Variants in TES observed in about 807,000 individuals in gnomAD.
TES encodes the protein testin.
TES carries 41 observed loss-of-function variants against 48.2 expected under a neutral mutation model. The ratio of observed to expected loss-of-function variants is 0.85; its 90% confidence interval spans 0.66 to 1.10. The LOEUF is 1.10. Ranked by LOEUF, TES falls within the 50% of genes least tolerant of loss-of-function variation. The pLI is 0.00. For missense variants in TES, 463 were observed against 515.1 expected (o/e 0.90, Z 0.98); for synonymous variants, 162 against 174.9 (o/e 0.93, Z 0.58).
chr7:116,239,375 T>A (rs1161030894), intron 2 of TES: 1 of 152,218 alleles, frequency 6.6e-6, no homozygotes, highest in Non-Finnish European at 1.5e-5. Context: ...GGGACAGAAG[T>A]CATAGGGGCC....
intron 2 of TES, among the ~76,000 whole-genome samples, chr7:116,240,643 G>A (rs1395534583): frequency 6.6e-6 from 1 of 152,038 alleles, no homozygotes; most frequent in Non-Finnish European, 1.5e-5. Context: ...CTTTTTAAAA[G>A]AATCATGAAA....
intron 6 of TES, among the ~76,000 whole-genome samples, chr7:116,253,674 C>A (rs1244747302): frequency 6.6e-6 from 1 of 152,082 alleles, no homozygotes; most frequent in Non-Finnish European, 1.5e-5. Context: ...TTTGCTTACT[C>A]CTAATAGTTT....
chr7:116,247,287 T>TA (rs1298218661), intron 2 of TES, among the ~76,000 whole-genome samples: 1 of 152,006 alleles, frequency 6.6e-6, no homozygotes, highest in Non-Finnish European at 1.5e-5. Context: ...TGTCTCTCAC[T>TA]AAAAAAACAA....
chr7:116,248,829 T>C (rs1344517062), intron 2 of TES, among the ~76,000 whole-genome samples, 191 bp from the exon 3 acceptor site: 1 of 152,180 alleles, frequency 6.6e-6, no homozygotes, highest in Non-Finnish European at 1.5e-5. Context: ...AAAAGCCTTA[T>C]CAAGCAAAGT....
intron 2 of TES, among the ~76,000 whole-genome samples, chr7:116,247,480 A>G (rs528118579): frequency 6.6e-6 from 1 of 151,890 alleles, no homozygotes; most frequent in Non-Finnish European, 1.5e-5. Context: ...ACACTCAGAC[A>G]TGTCCCTTTA....
chr7:116,251,118 T>C (rs1053334872), intron 4 of TES, among the ~76,000 whole-genome samples: 1 of 152,176 alleles, frequency 6.6e-6, no homozygotes, highest in Non-Finnish European at 1.5e-5. Flanking sequence ...AGAGCACTAA[T>C]AAGCCCTGAG....
chr7:116,241,122 T>G (rs1163945835), intron 2 of TES, among the ~76,000 whole-genome samples: 3 of 152,238 alleles, frequency 2.0e-5, no homozygotes, highest in Non-Finnish European at 4.4e-5. Context: ...GATAACAAGA[T>G]CACAGTGGCA....
intron 6 of TES, among the ~76,000 whole-genome samples, chr7:116,254,728 G>A (rs538919089): frequency 2.2e-5 from 3 of 139,056 alleles, no homozygotes; most frequent in South Asian, 4.8e-4. Flanking sequence ...TTGATAGTGC[G>A]ACACTCCGTC....
intron 1 of TES, chr7:116,218,049 T>C: frequency 2.3e-6 from 1 of 427,274 alleles, no homozygotes; most frequent in Non-Finnish European, 4.7e-6. Flanking sequence ...GGGAGTCGGC[T>C]CAGATTTGAG....
At chr7:116,247,015 C>T (rs1030673432) in intron 2 of TES, among the ~76,000 whole-genome samples, 3 of 145,690 alleles carry the variant, frequency 2.1e-5, no homozygotes, top group East Asian at 2.1e-4. Context: ...CATGGGCACT[C>T]GTGTATGTTG....
In TES at chr7:116,240,484, G is replaced by A. The variant is rs115662738; in HGVS notation, c.113+5865G>A. 9.2e-3 allele frequency among the ~76,000 whole-genome samples: 1,388 copies of A among 151,066 alleles called. 19 individuals are homozygous for A. Among genetic ancestry groups the A allele is most frequent in the African/African-American group, 0.032 (1,310 of 41,096 alleles). On this transcript the variant is annotated intron_variant, in intron 2 of 6. Coordinates refer to ENST00000358204, the MANE Select transcript of TES (RefSeq NM_015641.4). ...CTCTCTCACTCCTTCCCTCCCCCTCGCTCCTCCCTTTCCTCCATACATATT... is the reference window on the plus strand; with the variant it reads ...CTCTCTCACTCCTTCCCTCCCCCTCACTCCTCCCTTTCCTCCATACATATT...
At chr7:116,210,794 G>C in intron 1 of TES, 60 bp downstream of exon 1, 2 of 1,225,550 alleles carry the variant, frequency 1.6e-6, no homozygotes, top group Non-Finnish European at 2.1e-6. Context: ...CGCGGCGCGC[G>C]GCGGCCGGAG....
chr7:116,223,442 T>C (rs1799581607), intron 1 of TES, among the ~76,000 whole-genome samples: 2 of 152,214 alleles, frequency 1.3e-5, no homozygotes, highest in Admixed American at 6.5e-5. Context: ...CTGTGTTCTT[T>C]AAGGATGACT....
chr7:116,229,232 T>G (rs1194526991), intron 1 of TES, among the ~76,000 whole-genome samples: 1 of 151,852 alleles, frequency 6.6e-6, no homozygotes, highest in East Asian at 1.9e-4. Context: ...AAATAACACC[T>G]TCCCTATTTA....
At position 116,210,556 on chromosome 7, in the gene TES, G is replaced by T; in HGVS notation, c.-152G>T. The T allele has an allele frequency of 2.4e-6, 2 of 842,416 alleles. No homozygotes were observed. The highest frequency in any genetic ancestry group is 3.2e-6 in the Non-Finnish European group (2 of 622,922). 52.2% of individuals were successfully genotyped at this position (842,416 alleles called of 1,614,324 possible). A position where few individuals can be genotyped will look rare whatever the true frequency, so the allele number is the denominator to read the frequency against. On this transcript the variant is annotated 5_prime_UTR_variant, in exon 1 of 7. Coordinates refer to ENST00000358204, the MANE Select transcript of TES (RefSeq NM_015641.4). ...GCAGGCCCGCTGCGGCGGACTGGGCGGCGGAAGTTCGACGGCGCCGGGCGA... is the reference window on the plus strand; with the variant it reads ...GCAGGCCCGCTGCGGCGGACTGGGCTGCGGAAGTTCGACGGCGCCGGGCGA...
At chr7:116,220,653 G>C (rs950353388) in intron 1 of TES, among the ~76,000 whole-genome samples, 1 of 152,130 alleles carries the variant, frequency 6.6e-6, no homozygotes, top group South Asian at 2.1e-4. Flanking sequence ...GTTTTGTTTA[G>C]TTAGTTAGAC....
rs747836673 is a variant in TES, at chr7:116,252,411, G to A, written c.1012G>A (p.Glu338Lys). The change falls in exon 6 of 7, where the codon GAG becomes AAG. Residue 338 changes from glutamate to lysine, a missense_variant. Coordinates refer to ENST00000358204, the MANE Select transcript of TES (RefSeq NM_015641.4). ...TGACTGTGATAGCATTCTAGCTGGG[G>A]AGATATACGTGATGGTCAATGACAA... ...CFDCDSILAG[E>K]IYVMVNDKPV... 2.5e-6 allele frequency: 4 copies of A among 1,614,122 alleles called. No individual in the cohort carries two copies. The highest frequency in any genetic ancestry group is 1.7e-5 in the Admixed American group (1 of 60,010).
Sources: gnomAD v4.1 joint callset for allele counts (sites outside exome capture counted in the v4.1 genomes callset) on GRCh38, gnomAD v4.1.1 for gene constraint, MANE v1.5 for transcripts, NCBI Gene and HGNC (gene_info 2026-07-23, HGNC 2026-07-21) for gene names.